The following LDLRAD4 variants were observed in gnomAD, a reference collection of about 807,000 sequenced individuals.
LDLRAD4 encodes low-density lipoprotein receptor class A domain-containing protein 4.
LDLRAD4 carries 5 observed loss-of-function variants against 17.0 expected under a neutral mutation model. The observed-to-expected ratio is 0.29, with a 90% confidence interval of 0.15 to 0.62. The LOEUF (loss-of-function observed/expected upper bound fraction) is 0.62, where lower values mean the gene tolerates loss of function less well. Ranked by LOEUF, LDLRAD4 falls within the 20% of genes least tolerant of loss-of-function variation. The pLI, the probability that LDLRAD4 is intolerant of heterozygous loss-of-function variation, is 0.84. For missense variants in LDLRAD4, 340 were observed against 424.7 expected (o/e 0.80, Z 1.75); for synonymous variants, 168 against 171.8 (o/e 0.98, Z 0.17).
intron 2 of LDLRAD4, among the ~76,000 whole-genome samples, chr18:13,421,920 C>T (rs1321241130): frequency 6.6e-6 from 1 of 152,252 alleles, no homozygotes; most frequent in Non-Finnish European, 1.5e-5. Flanking sequence ...CCTGCCGTGC[C>T]TATGCTGCAG....
intron 1 of LDLRAD4, among the ~76,000 whole-genome samples, chr18:13,289,621 T>C (rs1478741891): frequency 6.6e-6 from 1 of 152,202 alleles, no homozygotes; most frequent in African/African-American, 2.4e-5. Flanking sequence ...TGTCATACTT[T>C]GCAAAGTAAA....
chr18:13,611,792 C>CG (rs1346139866), intron 3 of LDLRAD4: 66 of 985,478 alleles, frequency 6.7e-5, no homozygotes, highest in Non-Finnish European at 7.2e-5. Flanking sequence ...AAGAGCGAGC[C>CG]GGGGGGAAAG....
At chr18:13,633,496 C>T (rs1029227694) in intron 4 of LDLRAD4, among the ~76,000 whole-genome samples, 3 of 152,214 alleles carry the variant, frequency 2.0e-5, no homozygotes, top group Admixed American at 6.5e-5. Flanking sequence ...CACACCAACC[C>T]ACCCTCAGCC....
At chr18:13,473,972 G>C (rs2092866536) in intron 3 of LDLRAD4, among the ~76,000 whole-genome samples, 1 of 151,998 alleles carries the variant, frequency 6.6e-6, no homozygotes, top group Admixed American at 6.6e-5. Context: ...GACCATGGGG[G>C]TGGTTTCTTG....
chr18:13,230,400 A>T (rs2042012874), intron 1 of LDLRAD4, among the ~76,000 whole-genome samples: 1 of 152,152 alleles, frequency 6.6e-6, no homozygotes, highest in Admixed American at 6.5e-5. Context: ...AGAGTAATCT[A>T]GTGGGTTGCA....
intron 3 of LDLRAD4, among the ~76,000 whole-genome samples, chr18:13,594,813 A>T (rs141100132): frequency 1.6e-3 from 238 of 152,176 alleles, no homozygotes; most frequent in African/African-American, 5.2e-3. Flanking sequence ...GAGAATTAGT[A>T]TTAACTCTTC....
At chr18:13,497,318 C>A (rs574533076) in intron 3 of LDLRAD4, among the ~76,000 whole-genome samples, 2 of 151,380 alleles carry the variant, frequency 1.3e-5, no homozygotes, top group Non-Finnish European at 2.9e-5. Context: ...CTGGGACTAC[C>A]GGGACATGCC....
chr18:13,611,561 A>C, intron 3 of LDLRAD4: 1 of 985,442 alleles, frequency 1.0e-6, no homozygotes, highest in Non-Finnish European at 1.2e-6. Flanking sequence ...CTTGAACAAA[A>C]TGAACCAGGA....
At chr18:13,332,226 C>G (rs1239182282) in intron 1 of LDLRAD4, among the ~76,000 whole-genome samples, 2 of 152,262 alleles carry the variant, frequency 1.3e-5, no homozygotes, top group South Asian at 4.1e-4. Context: ...ACAAAACATT[C>G]TTTTTTGGGT....
chr18:13,643,389 G>A (rs1350246258), exon 5 of LDLRAD4: 21 of 1,294,588 alleles, frequency 1.6e-5, no homozygotes, highest in South Asian at 2.0e-5. Context: ...AGACAGCGCC[G>A]CACCGCGGCT....
At chr18:13,366,735 A>G (rs180881974) in intron 1 of LDLRAD4, among the ~76,000 whole-genome samples, 19 of 152,288 alleles carry the variant, frequency 1.2e-4, no homozygotes, top group Admixed American at 7.2e-4. Context: ...CTGCAGTCAC[A>G]TCCAATGGCT....
chr18:13,277,843 T>G (rs1012398251), upstream of LDLRAD4, among the ~76,000 whole-genome samples: 3 of 152,206 alleles, frequency 2.0e-5, no homozygotes, highest in Admixed American at 2.0e-4. Context: ...CGTGTGTCCT[T>G]TAACAGATGA....
At position 13,300,251 on chromosome 18, in the gene LDLRAD4, G is replaced by T. The variant is rs140643056; in HGVS notation, c.-383+22063G>T. On this transcript the variant is annotated intron_variant, in intron 1 of 5. Coordinates refer to ENST00000359446, the Ensembl canonical transcript of LDLRAD4. This position sits in a 1 kb window ranked among gnomAD's most constrained non-coding sequence, Gnocchi z 4.2. Reference sequence around the variant, plus strand: ...CCAGGCACAGCAGAGAGCCAGGCCCGCAGAGGGGGCCGGCAGCCTCTTCCC... The same window carrying T: ...CCAGGCACAGCAGAGAGCCAGGCCCTCAGAGGGGGCCGGCAGCCTCTTCCC... Among the ~76,000 whole-genome samples, 1 of 152,202 alleles carries T rather than the reference G, an allele frequency of 6.6e-6. No individual in the cohort carries two copies. The highest frequency in any genetic ancestry group is 1.5e-5 in the Non-Finnish European group (1 of 68,028).
rs75891141 is a variant in LDLRAD4 at position 13,622,888 on chromosome 18, C to T, written c.336+1617C>T. On this transcript the variant is annotated intron_variant, in intron 4 of 5. Transcript: ENST00000359446. The surrounding 1 kb of genome is among the most constrained non-coding windows in gnomAD (Gnocchi z 5.3). ...TCCTTGGCCTTCTCTCCAGGAGCTC[C>T]AGAACGCTTGGGGTCTCTGTGCGCA... Among the ~76,000 whole-genome samples the T allele has an allele frequency of 4.0e-3, 607 of 152,290 alleles. 6 individuals are homozygous for T. The highest frequency in any genetic ancestry group is 0.022 in the East Asian group (112 of 5,172).
At chr18:13,422,337 C>T (rs1245436027) in intron 2 of LDLRAD4, among the ~76,000 whole-genome samples, 1 of 152,100 alleles carries the variant, frequency 6.6e-6, no homozygotes, top group Non-Finnish European at 1.5e-5. Flanking sequence ...TCTGTCTAGC[C>T]TAAATAAGGC....
At chr18:13,281,295 G>A (rs939874258) in intron 1 of LDLRAD4, among the ~76,000 whole-genome samples, 4 of 152,110 alleles carry the variant, frequency 2.6e-5, no homozygotes, top group African/African-American at 7.2e-5. Context: ...AGGCTGAGGC[G>A]GGAGGATCAC....
At chr18:13,244,850 A>G (rs1157153061) in intron 1 of LDLRAD4, among the ~76,000 whole-genome samples, 3 of 152,242 alleles carry the variant, frequency 2.0e-5, no homozygotes, top group Admixed American at 2.0e-4. Context: ...GGGAGTGTTC[A>G]TTTTAAAGTT....
At position 13,333,119 on chromosome 18, in the gene LDLRAD4, C is replaced by G. The variant is rs146603888; in HGVS notation, c.-382-54222C>G. On this transcript the variant is annotated intron_variant, in intron 1 of 5. Coordinates refer to ENST00000359446, the Ensembl canonical transcript of LDLRAD4. ...TGGATTTCGGCCATTCTAATAGGTG[C>G]GTAGTGGTATTTCATTGTGTTTTTA... 3.5e-3 allele frequency among the ~76,000 whole-genome samples: 525 copies of G among 152,112 alleles called. 2 individuals carry two copies. Among genetic ancestry groups the G allele is most frequent in the Middle Eastern group, 0.017 (5 of 294 alleles).
intron 1 of LDLRAD4, among the ~76,000 whole-genome samples, chr18:13,327,858 C>T (rs2081619024): frequency 6.6e-6 from 1 of 152,136 alleles, no homozygotes; most frequent in Non-Finnish European, 1.5e-5. Context: ...TGCTTCTGGG[C>T]TGTCATCAAT....
Sources: allele counts gnomAD v4.1 joint callset (sites outside exome capture counted in the v4.1 genomes callset), GRCh38; gene constraint gnomAD v4.1.1; non-coding constraint Gnocchi (gnomAD v3.1); transcripts MANE v1.5; gene names NCBI Gene and HGNC (gene_info 2026-07-23, HGNC 2026-07-21).